PFKFB4: variants seen among roughly 807,000 people sequenced by gnomAD.
PFKFB4 encodes 6-phosphofructo-2-kinase/fructose-2,6-bisphosphatase 4.
Under a neutral mutation model 62.8 loss-of-function variants are expected in PFKFB4, and 42 were observed. That is an observed-to-expected ratio of 0.67 (90% CI 0.52 to 0.86). PFKFB4 has a LOEUF of 0.86. Ranked by LOEUF, PFKFB4 falls within the 40% of genes least tolerant of loss-of-function variation. The probability of loss-of-function intolerance (pLI) is 0.00; values close to 1 mark genes in which losing one functional copy is unlikely to be tolerated. For synonymous variants in PFKFB4, 204 were observed against 240.7 expected (o/e 0.85, Z 1.41); for missense variants, 475 against 627.2 (o/e 0.76, Z 2.59).
chr3:48,533,711 T>G (rs1171388128), intron 9 of PFKFB4, among the ~76,000 whole-genome samples: 1 of 152,014 alleles, frequency 6.6e-6, no homozygotes, highest in Non-Finnish European at 1.5e-5. Context: ...AAAAATTAGT[T>G]GGTGTGGTGG....
upstream of PFKFB4, among the ~76,000 whole-genome samples, chr3:48,557,764 T>A (rs993194945): frequency 2.6e-5 from 4 of 152,116 alleles, no homozygotes; most frequent in African/African-American, 7.2e-5. Context: ...CTCGAACTCC[T>A]GACCTCAGGT....
At chr3:48,523,677 C>A (rs768530908) in intron 11 of PFKFB4, 24 bp downstream of exon 11, 7 of 1,614,108 alleles carry the variant, frequency 4.3e-6, no homozygotes, top group Non-Finnish European at 4.2e-6. Flanking sequence ...AACCTTCCCA[C>A]CTCCCCCGGG....
intron 9 of PFKFB4, among the ~76,000 whole-genome samples, chr3:48,532,288 C>A (rs554666766): frequency 6.6e-6 from 1 of 151,928 alleles, no homozygotes; most frequent in East Asian, 1.9e-4. Flanking sequence ...CCAGCCTGGG[C>A]GACAGAGCGA....
upstream of PFKFB4, chr3:48,562,649 CCAGA>C: frequency 4.7e-6 from 4 of 843,996 alleles, no homozygotes; most frequent in South Asian, 7.2e-5. The surrounding 1 kb of genome is among the most constrained non-coding windows in gnomAD (Gnocchi z 4.3). Flanking sequence ...GTGGCAGTGT[CCAGA>C]CACTGTATGC....
At chr3:48,530,500 A>G (rs2107495666) in intron 9 of PFKFB4, among the ~76,000 whole-genome samples, 1 of 152,280 alleles carries the variant, frequency 6.6e-6, no homozygotes, top group South Asian at 2.1e-4. Flanking sequence ...GAATAAAAAC[A>G]TTGCCTACCT....
At chr3:48,550,325 A>C in intron 1 of PFKFB4, 91 bp from the exon 2 acceptor site, 1 of 821,390 alleles carries the variant, frequency 1.2e-6, no homozygotes, top group Non-Finnish European at 2.1e-6. Flanking sequence ...GCCTCAGGGC[A>C]TGGGACTGGC....
intron 10 of PFKFB4, among the ~76,000 whole-genome samples, chr3:48,525,060 G>A (rs73076400): frequency 0.02 from 3,026 of 152,196 alleles, 40 homozygotes; most frequent in Non-Finnish European, 0.029. Context: ...GATGAGGCCC[G>A]AGACAGGGAC....
intron 3 of PFKFB4, among the ~76,000 whole-genome samples, chr3:48,547,368 T>C (rs867894928): frequency 1.3e-5 from 2 of 152,178 alleles, no homozygotes; most frequent in Non-Finnish European, 2.9e-5. Flanking sequence ...GGTATGCACA[T>C]GCATGCATGT....
chr3:48,525,718 G>C, intron 9 of PFKFB4, 49 bp from the exon 10 acceptor site: 9 of 1,057,068 alleles, frequency 8.5e-6, no homozygotes, highest in Non-Finnish European at 1.1e-5. Flanking sequence ...CAGAAGATGA[G>C]CCTTGGGGAC....
intron 1 of PFKFB4, among the ~76,000 whole-genome samples, chr3:48,555,148 C>T (rs1055366239): frequency 1.3e-5 from 2 of 150,920 alleles, no homozygotes; most frequent in Non-Finnish European, 2.9e-5. Flanking sequence ...GCCCTAATAA[C>T]ACAGACTGGC....
intron 3 of PFKFB4, chr3:48,548,791 A>G (rs1489016937): frequency 1.3e-5 from 2 of 152,236 alleles, no homozygotes; most frequent in African/African-American, 2.4e-5. Context: ...CAATTTGGCC[A>G]TAGAAACCTG....
chr3:48,560,218 T>TC (rs2043411162), upstream of PFKFB4, among the ~76,000 whole-genome samples: 1 of 152,066 alleles, frequency 6.6e-6, no homozygotes, highest in Non-Finnish European at 1.5e-5. Context: ...CACTCACAAG[T>TC]CCTGCACCCC....
In PFKFB4 at chr3:48,543,585, CAT is replaced by C. The variant is rs772275712; in HGVS notation, c.371_372del (p.His124ArgfsTer5). On this transcript the variant is annotated frameshift_variant, in exon 4 of 14. Transcript: ENST00000232375. LOFTEE classifies it high-confidence loss of function. ...VRRFLSEEGGHVAVFDATNTT... is the reference protein window; with the variant it reads ...VRRFLSEEGGXVAVFDATNTT... ...CACCAGGGTGTCACACTCACCGCCA[CAT>C]GTCCCCCCTCCTCACTAAGGAACCG... 6.2e-7 allele frequency: 1 copy of C among 1,609,186 alleles called. No individual in the cohort carries two copies. The highest frequency in any genetic ancestry group is 1.1e-5 in the South Asian group (1 of 89,566).
chr3:48,556,943 T>C (rs1400721007), upstream of PFKFB4: 33 of 1,395,784 alleles, frequency 2.4e-5, no homozygotes, highest in South Asian at 4.8e-5. The surrounding 1 kb of genome is among the most constrained non-coding windows in gnomAD (Gnocchi z 5.7). Context: ...CCGCCCCAGC[T>C]GAAAGGGGCC....
intron 9 of PFKFB4, among the ~76,000 whole-genome samples, chr3:48,534,121 T>C (rs576437341): frequency 2.6e-5 from 4 of 152,042 alleles, no homozygotes; most frequent in Admixed American, 1.3e-4. Context: ...AATGCAGAAG[T>C]AAAGATAAGT....
intron 13 of PFKFB4, among the ~76,000 whole-genome samples, chr3:48,520,092 T>C: frequency 6.6e-6 from 1 of 152,200 alleles, no homozygotes; most frequent in Non-Finnish European, 1.5e-5. Context: ...CACTCCCACC[T>C]CCTATCTCAG....
chr3:48,540,856 C>A (rs1372489752), intron 4 of PFKFB4, among the ~76,000 whole-genome samples: 6 of 148,248 alleles, frequency 4.0e-5, no homozygotes, highest in Admixed American at 6.7e-5. Context: ...CTCACTGCAA[C>A]CTCCGCCTAC....
At chr3:48,541,107 C>T (rs1396900438) in intron 4 of PFKFB4, among the ~76,000 whole-genome samples, 3 of 137,224 alleles carry the variant, frequency 2.2e-5, no homozygotes, top group East Asian at 4.4e-4. Flanking sequence ...TTTTTTGAGA[C>T]GGAGTCTTGC....
chr3:48,556,983 C>T (rs1385934508), upstream of PFKFB4: 2 of 1,384,506 alleles, frequency 1.4e-6, no homozygotes, highest in Non-Finnish European at 1.9e-6. The surrounding 1 kb of genome is among the most constrained non-coding windows in gnomAD (Gnocchi z 5.7). Flanking sequence ...CCCAACTCAC[C>T]TACCCGCCCG....
Sources: allele counts gnomAD v4.1 joint callset (sites outside exome capture counted in the v4.1 genomes callset), GRCh38; gene constraint gnomAD v4.1.1; non-coding constraint Gnocchi (gnomAD v3.1); transcripts MANE v1.5; gene names NCBI Gene and HGNC (gene_info 2026-07-23, HGNC 2026-07-21).